The following NIBAN1 variants were observed in gnomAD, a reference collection of about 807,000 sequenced individuals.
The protein encoded by NIBAN1 is niban apoptosis regulator 1.
Under a neutral mutation model 75.1 loss-of-function variants are expected in NIBAN1, and 81 were observed. The observed-to-expected ratio is 1.08, with a 90% CI of 0.90 to 1.30. NIBAN1 has a LOEUF of 1.30. Ranked by LOEUF, NIBAN1 falls within the 50% of genes most tolerant of loss-of-function variation. The pLI is 0.00. For synonymous variants in NIBAN1, 436 were observed against 424.8 expected, an observed-to-expected ratio of 1.03 and a Z score of -0.32; for missense variants, 1,133 against 1,128.1, an observed-to-expected ratio of 1.00 and a Z score of -0.06.
chr1:184,923,708 A>G (rs1304657900), intron 1 of NIBAN1, among the ~76,000 whole-genome samples: 3 of 152,142 alleles, frequency 2.0e-5, no homozygotes, highest in Non-Finnish European at 2.9e-5. Context: ...TGAACATGGA[A>G]TATCTTTCCT....
At chr1:184,882,159 C>A (rs1019065363) in intron 5 of NIBAN1, among the ~76,000 whole-genome samples, 5 of 152,150 alleles carry the variant, frequency 3.3e-5, no homozygotes, top group African/African-American at 4.8e-5. Context: ...CAGCAGCCAC[C>A]TCAGGGTTTC....
chr1:184,844,386 T>C (rs1655379142), intron 5 of NIBAN1, among the ~76,000 whole-genome samples: 3 of 152,242 alleles, frequency 2.0e-5, no homozygotes, highest in Admixed American at 2.0e-4. Context: ...TATCTGGGAA[T>C]ATTCTACTCA....
intron 1 of NIBAN1, among the ~76,000 whole-genome samples, chr1:184,960,619 C>T (rs535025977): frequency 2.7e-3 from 145 of 52,812 alleles, no homozygotes; most frequent in African/African-American, 0.011. Flanking sequence ...ACAACAACAA[C>T]AAAATGTTGT....
chr1:184,944,391 G>A (rs1308296362), intron 1 of NIBAN1, among the ~76,000 whole-genome samples: 1 of 152,220 alleles, frequency 6.6e-6, no homozygotes, highest in African/African-American at 2.4e-5. Context: ...CTGAAGACTA[G>A]AAGACCCAGC....
At chr1:184,962,316 T>A (rs1658670377) in intron 1 of NIBAN1, among the ~76,000 whole-genome samples, 2 of 152,224 alleles carry the variant, frequency 1.3e-5, no homozygotes, top group African/African-American at 4.8e-5. Context: ...ATTCTGAGAC[T>A]GTTGTGTGTA....
chr1:184,878,422 T>C (rs1159147743), intron 5 of NIBAN1, among the ~76,000 whole-genome samples: 2 of 152,252 alleles, frequency 1.3e-5, no homozygotes, highest in South Asian at 4.1e-4. Context: ...GAGTTTTTAC[T>C]TAAATTGCAT....
At chr1:184,803,509 G>A (rs1654102787) in intron 12 of NIBAN1, 76 bp downstream of exon 12, 1 of 1,151,950 alleles carries the variant, frequency 8.7e-7, no homozygotes, top group African/African-American at 1.5e-5. Flanking sequence ...CTGTTTGCCA[G>A]TACACATCAC....
At chr1:184,853,620 C>T (rs1655600435) in intron 5 of NIBAN1, among the ~76,000 whole-genome samples, 2 of 152,324 alleles carry the variant, frequency 1.3e-5, no homozygotes, top group South Asian at 2.1e-4. Context: ...CTCAGACCAA[C>T]TGGTTGAAAA....
chr1:184,876,166 T>C (rs1194875309), intron 5 of NIBAN1, among the ~76,000 whole-genome samples: 1 of 148,676 alleles, frequency 6.7e-6, no homozygotes, highest in Non-Finnish European at 1.5e-5. Context: ...AGAGTGAAAC[T>C]TCGTCTCCAG....
Position 184,794,003 on chromosome 1 carries a change from A to AG in NIBAN1, c.*973dup, listed in dbSNP as rs903220092. ...GAACCAGGACTATTTGAATGGAAAG[A>AG]GAAAAAAAAAAGCTGTCATAGTTTA... On this transcript the variant is annotated 3_prime_UTR_variant, in exon 14 of 14. Transcript: ENST00000367511. 1.3e-5 allele frequency: 2 copies of AG among 152,156 alleles called. No individual in the cohort carries two copies. The highest frequency in any genetic ancestry group is 2.4e-5 in the African/African-American group (1 of 41,446). 9.4% of individuals were successfully genotyped at this position (152,156 alleles called of 1,614,324 possible). A position where few individuals can be genotyped will look rare whatever the true frequency, so the allele number is the denominator to read the frequency against.
rs1369017880 is a variant in NIBAN1, at chr1:184,791,890, T to TATTTTAA, written c.*3080_*3086dup. 6.6e-6 allele frequency: 1 copy of TATTTTAA among 152,036 alleles called. No individual in the cohort carries two copies. Among genetic ancestry groups the TATTTTAA allele is most frequent in the Non-Finnish European group, 1.5e-5 (1 of 68,022 alleles). The allele number at this position is 152,036 out of a possible 1,614,324, so 9.4% of individuals were successfully genotyped here. A position where few individuals can be genotyped will look rare whatever the true frequency, so the allele number is the denominator to read the frequency against. The stretch of plus-strand genomic sequence containing the variant: ...TCAACATGTTAAAATGAAGACAGAG[T>TATTTTAA]ATTTTAAATGCACTCTAGTTTCCTG... On this transcript the variant is annotated 3_prime_UTR_variant, in exon 14 of 14. Transcript: ENST00000367511.
rs1463008972 is a variant in NIBAN1 at position 184,828,970 on chromosome 1, C to T, written c.717+2877G>A. 2.0e-5 allele frequency among the ~76,000 whole-genome samples: 3 copies of T among 152,142 alleles called. No homozygotes were observed. In the East Asian group the frequency reaches 5.8e-4, roughly 29 times the overall value. ...TACCACTGTTCCCAGCTAATTTGTA[C>T]AAAACTTTTTGAAGAGATAGGGTCT... On this transcript the variant is annotated intron_variant, in intron 6 of 13. Transcript: ENST00000367511.
chr1:184,939,564 A>G (rs550866193), intron 1 of NIBAN1, among the ~76,000 whole-genome samples: 1 of 152,288 alleles, frequency 6.6e-6, no homozygotes, highest in East Asian at 1.9e-4. Flanking sequence ...GACACATTTT[A>G]AATGCATTTA....
chr1:184,911,101 A>C (rs540344681), intron 1 of NIBAN1, among the ~76,000 whole-genome samples: 34 of 152,200 alleles, frequency 2.2e-4, no homozygotes, highest in African/African-American at 7.7e-4. Context: ...ATATATATAT[A>C]TCCCATTAGT....
In NIBAN1 at chr1:184,968,031, G is replaced by A. The variant is rs1197510391; in HGVS notation, c.55+6271C>T. Among the ~76,000 whole-genome samples the A allele has an allele frequency of 5.6e-5, 3 of 53,960 alleles. 1 individual carries two copies. Among genetic ancestry groups the A allele is most frequent in the Non-Finnish European group, 1.4e-4 (3 of 20,740 alleles). The allele number at this position is 53,960 out of a possible 152,430, so 35.4% of individuals were successfully genotyped here. A position where few individuals can be genotyped will look rare whatever the true frequency, so the allele number is the denominator to read the frequency against. ...ATCCTGGCTAACAAGGTGAAACCCC[G>A]TCTCTACTAAAAATACAAAAAATTA... On this transcript the variant is annotated intron_variant, in intron 1 of 13. Transcript: ENST00000367511.
intron 1 of NIBAN1, among the ~76,000 whole-genome samples, chr1:184,963,162 T>C (rs1178701913): frequency 6.6e-6 from 1 of 152,036 alleles, no homozygotes; most frequent in Non-Finnish European, 1.5e-5. Context: ...ATCTTAGCAA[T>C]GGAACAATAT....
intron 3 of NIBAN1, among the ~76,000 whole-genome samples, chr1:184,893,683 G>A (rs567401516): frequency 5.1e-4 from 77 of 152,258 alleles, no homozygotes; most frequent in African/African-American, 1.8e-3. Flanking sequence ...GAGCAGAGAT[G>A]TCAGGATGGT....
chr1:184,913,455 A>G (rs990261827), intron 1 of NIBAN1, among the ~76,000 whole-genome samples: 2 of 152,078 alleles, frequency 1.3e-5, no homozygotes, highest in African/African-American at 4.8e-5. Flanking sequence ...ACCTGAGCTC[A>G]TGCACTCCAT....
chr1:184,867,656 T>A (rs986361915), intron 5 of NIBAN1, among the ~76,000 whole-genome samples: 2 of 152,236 alleles, frequency 1.3e-5, no homozygotes, highest in Non-Finnish European at 2.9e-5. Flanking sequence ...TGAGATGGAA[T>A]GAGGCAAAAT....
Sources: allele counts gnomAD v4.1 joint callset (sites outside exome capture counted in the v4.1 genomes callset), GRCh38; gene constraint gnomAD v4.1.1; transcripts MANE v1.5; gene names NCBI Gene and HGNC (gene_info 2026-07-23, HGNC 2026-07-21).